Variants in NOP9 observed in about 807,000 individuals in gnomAD.
NOP9 encodes NOP9 nucleolar protein, also known as nucleolar protein 9.
NOP9 carries 50 observed loss-of-function variants against 63.0 expected under a neutral mutation model. The ratio of observed to expected loss-of-function variants is 0.79; its 90% CI spans 0.63 to 1.00. The LOEUF (loss-of-function observed/expected upper bound fraction) is 1.00, where lower values mean the gene tolerates loss of function less well. Ranked by LOEUF, NOP9 falls within the 50% of genes least tolerant of loss-of-function variation. The pLI is 0.00. For synonymous variants in NOP9, 343 were observed against 332.8 expected (o/e 1.03, Z -0.33); for missense variants, 758 against 803.0 (o/e 0.94, Z 0.68).
Position 24,303,212 on chromosome 14 carries a change from G to A in NOP9, c.1282G>A (p.Glu428Lys). 1 of 1,614,054 alleles carries A rather than the reference G, an allele frequency of 6.2e-7. No individual in the cohort carries two copies. Among genetic ancestry groups the A allele is most frequent in the Non-Finnish European group, 8.5e-7 (1 of 1,180,000 alleles). The change falls in exon 6 of 10, where the codon GAG (glutamate) becomes AAG (lysine). Residue 428 changes from glutamate (E) to lysine (K), a missense_variant and splice_region_variant. Coordinates refer to ENST00000267425, the MANE Select transcript of NOP9 (RefSeq NM_174913.3). ...AGCCAAGGTCCTACAGCTCTTGTTGGAGGTGAGTGGATATTACCCACAATC... is the reference window on the plus strand; with the variant it reads ...AGCCAAGGTCCTACAGCTCTTGTTGAAGGTGAGTGGATATTACCCACAATC... ...YQAKVLQLLL[E>K]AFHCAEPSSR...
chr14:24,286,942 T>C, the NOP9 span, among the ~76,000 whole-genome samples: 1 of 150,872 alleles, frequency 6.6e-6, no homozygotes, highest in African/African-American at 2.4e-5. Context: ...CAGGCTGGAG[T>C]GTAGTGGCGC....
At chr14:24,282,956 C>T in the NOP9 span, among the ~76,000 whole-genome samples, 3 of 152,182 alleles carry the variant, frequency 2.0e-5, no homozygotes, top group Non-Finnish European at 2.9e-5. Context: ...CTGAGTTCCC[C>T]GGGAGGCTTG....
In NOP9 at chr14:24,306,701, T is replaced by A; in HGVS notation, c.*1606T>A. ...GTGTTCTTCAGTTTTTGGGGGATCC[T>A]AGCTAGAGGCTGACCTTTTTCCTCT... On this transcript the variant is annotated 3_prime_UTR_variant, in exon 10 of 10. Coordinates refer to ENST00000267425, the MANE Select transcript of NOP9 (RefSeq NM_174913.3). 1 of 700,440 alleles carries A rather than the reference T, an allele frequency of 1.4e-6. No homozygotes were observed. The highest frequency in any genetic ancestry group is 2.4e-6 in the Non-Finnish European group (1 of 423,062). 43.4% of individuals were successfully genotyped at this position (700,440 alleles called of 1,614,324 possible).
In NOP9 at chr14:24,304,245, A is replaced by G. The variant is rs1469740612; in HGVS notation, c.1615A>G (p.Lys539Glu). Residue 539 changes from lysine (K) to glutamate (E), a missense_variant, in exon 8 of 10, where the codon AAG becomes GAG. Physicochemically the swap from Lys to Glu is moderately conservative, Grantham distance 56 (BLOSUM62 1). Coordinates refer to ENST00000267425, the MANE Select transcript of NOP9 (RefSeq NM_174913.3). ...AILTSPSVTR[K>E]LRRRVLQNLK... ...CCTGACCAGCCCCTCTGTGACGCGCAAGCTGCGCCGCCGTGTGCTGCAGAA... is the reference window on the plus strand; with the variant it reads ...CCTGACCAGCCCCTCTGTGACGCGCGAGCTGCGCCGCCGTGTGCTGCAGAA... 3 of 1,614,008 alleles carry G rather than the reference A, an allele frequency of 1.9e-6. No homozygotes were observed. In the East Asian group the frequency reaches 6.7e-5, roughly 36 times the overall value.
chr14:24,307,903 TTC>T lies in NOP9; in HGVS notation c.*2813_*2814del. 6.5e-7 allele frequency: 1 copy of T among 1,529,130 alleles called. No homozygotes were observed. The highest frequency in any genetic ancestry group is 8.9e-7 in the Non-Finnish European group (1 of 1,122,386). The allele number at this position is 1,529,130 out of a possible 1,614,324, so 94.7% of individuals were successfully genotyped here. A position where few individuals can be genotyped will look rare whatever the true frequency, so the allele number is the denominator to read the frequency against. Reference sequence around the variant, plus strand: ...TCCCTGGAACTTCTGGGCTGGGTGGTTCTCTCCTGTGCTGGGGCTTTAGTGGT... The same window carrying T: ...TCCCTGGAACTTCTGGGCTGGGTGGTTCTCCTGTGCTGGGGCTTTAGTGGT... On this transcript the variant is annotated 3_prime_UTR_variant, in exon 10 of 10. Coordinates refer to ENST00000267425, the MANE Select transcript of NOP9 (RefSeq NM_174913.3).
chr14:24,271,225 T>C, the NOP9 span: 2 of 1,366,426 alleles, frequency 1.5e-6, no homozygotes, highest in East Asian at 2.5e-5. Context: ...CGCCCACAGC[T>C]GTGTCCGGAA....
At chr14:24,287,524 ATCC>A in the NOP9 span, among the ~76,000 whole-genome samples, 1 of 152,090 alleles carries the variant, frequency 6.6e-6, no homozygotes, top group South Asian at 2.1e-4. Flanking sequence ...TCTAAGGTGG[ATCC>A]TCAGTGGAAA....
upstream of NOP9, among the ~76,000 whole-genome samples, chr14:24,295,324 A>G (rs761052274): frequency 7.2e-5 from 11 of 152,246 alleles, no homozygotes; most frequent in Non-Finnish European, 1.5e-4. Flanking sequence ...ATTTAAAAAA[A>G]GTAACACACA....
At chr14:24,304,655 T>A in intron 9 of NOP9, 57 bp downstream of exon 9, 1 of 1,328,950 alleles carries the variant, frequency 7.5e-7, no homozygotes. Context: ...TTACTCCAGA[T>A]CACTGGGTAG....
chr14:24,300,879 T>C (rs1376064659), intron 2 of NOP9, 22 bp downstream of exon 2: 1 of 1,578,946 alleles, frequency 6.3e-7, no homozygotes, highest in African/African-American at 1.4e-5. Flanking sequence ...AAGAGGAAAG[T>C]GGACCTAGGG....
In NOP9 at chr14:24,305,668, G is replaced by A. The variant is rs915256414; in HGVS notation, c.*573G>A. 2 of 1,614,058 alleles carry A rather than the reference G, an allele frequency of 1.2e-6. No individual in the cohort carries two copies. The highest frequency in any genetic ancestry group is 2.7e-5 in the African/African-American group (2 of 74,922). ...TGGAGGCGGCCCTTCTGCTGCCACT[G>A]CTCAGCCCCCTCCACTGCATGACGA... On this transcript the variant is annotated 3_prime_UTR_variant, in exon 10 of 10. Transcript: ENST00000267425.
the NOP9 span, among the ~76,000 whole-genome samples, chr14:24,278,383 G>T: frequency 6.6e-6 from 1 of 152,212 alleles, no homozygotes; most frequent in African/African-American, 2.4e-5. Context: ...CAAATAATAT[G>T]AATTAATGTG....
At chr14:24,299,289 G>A, upstream of NOP9, 1 of 646,640 alleles carries the variant, frequency 1.5e-6, no homozygotes, top group Non-Finnish European at 2.6e-6. Flanking sequence ...CTGGGTGCGG[G>A]CCTGAGGACA....
At position 24,306,062 on chromosome 14, in the gene NOP9, C is replaced by T. The variant is rs148553609; in HGVS notation, c.*967C>T. On this transcript the variant is annotated 3_prime_UTR_variant, in exon 10 of 10. Transcript: ENST00000267425. ...AGGTCTCGAGGGTTTTGCTTGTACACGTCAAAGGTGAATCGGGCGATGTCC... is the reference window on the plus strand; with the variant it reads ...AGGTCTCGAGGGTTTTGCTTGTACATGTCAAAGGTGAATCGGGCGATGTCC... 24 of 1,614,066 alleles carry T rather than the reference C, an allele frequency of 1.5e-5. No individual in the cohort carries two copies. The highest frequency in any genetic ancestry group is 5.3e-5 in the African/African-American group (4 of 74,916).
intron 5 of NOP9, 134 bp from the exon 6 acceptor site, chr14:24,302,940 C>A: frequency 9.0e-7 from 1 of 1,116,368 alleles, no homozygotes; most frequent in Non-Finnish European, 1.2e-6. Context: ...TCTAGCCAAA[C>A]AAAAGTCCTG....
At chr14:24,295,816 C>T (rs550366885), upstream of NOP9, among the ~76,000 whole-genome samples, 3 of 152,314 alleles carry the variant, frequency 2.0e-5, no homozygotes, top group South Asian at 6.2e-4. Context: ...AAAATTGGAG[C>T]GGTGGGTGTT....
At chr14:24,290,537 T>C in the NOP9 span, 1 of 291,522 alleles carries the variant, frequency 3.4e-6, no homozygotes, top group South Asian at 3.6e-5. Flanking sequence ...TATACATCTT[T>C]GAGTCTTTCT....
At chr14:24,284,101 G>A in the NOP9 span, among the ~76,000 whole-genome samples, 1 of 152,304 alleles carries the variant, frequency 6.6e-6, no homozygotes, top group African/African-American at 2.4e-5. Flanking sequence ...CAGGAGCTGA[G>A]ACAGAGGTGA....
At chr14:24,285,857 C>A in the NOP9 span, among the ~76,000 whole-genome samples, 26,979 of 151,932 alleles carry the variant, frequency 0.18, 2,541 homozygotes, top group African/African-American at 0.24. Context: ...GGCGTGGTGG[C>A]AGGCGCCTGT....
Sources: allele counts gnomAD v4.1 joint callset (sites outside exome capture counted in the v4.1 genomes callset), GRCh38; gene constraint gnomAD v4.1.1; transcripts MANE v1.5; gene names NCBI Gene and HGNC (gene_info 2026-07-23, HGNC 2026-07-21).